Variants in CAPRIN2 observed in about 807,000 individuals in gnomAD.
The protein encoded by CAPRIN2 is caprin family member 2, also known as caprin-2.
Under a neutral mutation model 130.4 loss-of-function variants are expected in CAPRIN2, and 66 were observed. The ratio of observed to expected loss-of-function variants is 0.51; its 90% CI spans 0.42 to 0.62. CAPRIN2 has a LOEUF of 0.62. Ranked by LOEUF, CAPRIN2 falls within the 20% of genes least tolerant of loss-of-function variation. CAPRIN2 has a pLI of 0.00. For synonymous variants in CAPRIN2, 471 were observed against 444.1 expected (o/e 1.06, Z -0.76); for missense variants, 1,185 against 1,246.6 (o/e 0.95, Z 0.74).
At chr12:30,740,409 G>T (rs2066909536) in intron 3 of CAPRIN2, among the ~76,000 whole-genome samples, 2 of 152,056 alleles carry the variant, frequency 1.3e-5, no homozygotes, top group African/African-American at 4.8e-5. Context: ...GACCTTTAAA[G>T]GACCTTCTAG....
intron 7 of CAPRIN2, 87 bp downstream of exon 8, chr12:30,730,152 T>C (rs1459556788): frequency 1.8e-6 from 2 of 1,101,182 alleles, no homozygotes; most frequent in South Asian, 2.6e-5. Flanking sequence ...GCTCAGGCAG[T>C]CTGGCTCCAG....
chr12:30,741,188 G>T, intron 2 of CAPRIN2, 82 bp from the exon 4 acceptor site: 2 of 778,648 alleles, frequency 2.6e-6, no homozygotes, highest in Non-Finnish European at 4.0e-6. Context: ...AAATACAGTA[G>T]AAGAGATTTA....
At chr12:30,727,038 T>G (rs1316768279) in intron 8 of CAPRIN2, among the ~76,000 whole-genome samples, 2 of 152,190 alleles carry the variant, frequency 1.3e-5, no homozygotes, top group Non-Finnish European at 2.9e-5. Context: ...TTAAATATGT[T>G]TTGACCTTTC....
intron 3 of CAPRIN2, among the ~76,000 whole-genome samples, chr12:30,739,912 T>C (rs1000269264): frequency 6.6e-6 from 1 of 152,120 alleles, no homozygotes; most frequent in Non-Finnish European, 1.5e-5. Flanking sequence ...TAGAAAAATA[T>C]AGGCCTGAAT....
intron 6 of CAPRIN2, 152 bp from the exon 8 acceptor site, chr12:30,730,434 T>TA: frequency 3.2e-6 from 2 of 622,620 alleles, no homozygotes; most frequent in Non-Finnish European, 5.7e-6. Context: ...AGAGGAATTA[T>TA]ATTCCTTGTT....
At chr12:30,737,978 T>A (rs1452269632) in intron 3 of CAPRIN2, among the ~76,000 whole-genome samples, 1 of 152,024 alleles carries the variant, frequency 6.6e-6, no homozygotes, top group Non-Finnish European at 1.5e-5. Flanking sequence ...AAGCAGAATG[T>A]AACAAGGTCG....
intron 2 of CAPRIN2, among the ~76,000 whole-genome samples, chr12:30,750,637 T>A (rs2073282191): frequency 6.6e-6 from 1 of 152,042 alleles, no homozygotes. Flanking sequence ...ATGAAAGGAA[T>A]TAAGGTGAGG....
intron 12 of CAPRIN2, among the ~76,000 whole-genome samples, chr12:30,718,302 A>G (rs1324657429): frequency 3.3e-5 from 5 of 152,222 alleles, no homozygotes; most frequent in African/African-American, 1.2e-4. Flanking sequence ...GAAATAAGAT[A>G]TTCTAAGTGA....
chr12:30,750,864 T>C (rs1261262198), intron 2 of CAPRIN2, among the ~76,000 whole-genome samples: 1 of 152,172 alleles, frequency 6.6e-6, no homozygotes, highest in African/African-American at 2.4e-5. Context: ...TACACCCCCA[T>C]GCGTACCATC....
chr12:30,731,632 G>A, intron 5 of CAPRIN2, 122 bp from the exon 7 acceptor site: 1 of 759,586 alleles, frequency 1.3e-6, no homozygotes, highest in South Asian at 1.9e-5. Context: ...GATGTACATA[G>A]TACATCCTTA....
chr12:30,728,042 A>G (rs2061452491), intron 8 of CAPRIN2, among the ~76,000 whole-genome samples: 1 of 152,242 alleles, frequency 6.6e-6, no homozygotes, highest in South Asian at 2.1e-4. Context: ...TCACTTGTTC[A>G]CATTATGTCA....
At chr12:30,739,733 A>G (rs895294319) in intron 3 of CAPRIN2, among the ~76,000 whole-genome samples, 3 of 151,884 alleles carry the variant, frequency 2.0e-5, no homozygotes, top group African/African-American at 7.3e-5. Context: ...AAAAAAAAGA[A>G]TAAGTTACTT....
rs565272775 is a variant in CAPRIN2, at chr12:30,736,476, T to C, written c.571-1270A>G. 1.1e-4 allele frequency among the ~76,000 whole-genome samples: 17 copies of C among 151,502 alleles called. No homozygotes were observed. In the South Asian group the frequency reaches 3.3e-3, roughly 30 times the overall value. On this transcript the variant is annotated intron_variant, in intron 3 of 16. Transcript: ENST00000298892. ...TATAGCATCGATATTTTAAATTATA[T>C]AAAAGAGATGTTCGTAAATCCTAAC...
chr12:30,715,178 A>C, intron 13 of CAPRIN2, 37 bp from the exon 16 acceptor site: 1 of 1,563,368 alleles, frequency 6.4e-7, no homozygotes, highest in Non-Finnish European at 8.8e-7. Context: ...CCAAGAGTTA[A>C]ATGGTAATAG....
intron 5 of CAPRIN2, 26 bp downstream of exon 6, chr12:30,733,603 A>G (rs766968000): frequency 1.2e-5 from 18 of 1,506,708 alleles, no homozygotes; most frequent in Admixed American, 5.0e-5. Flanking sequence ...TATTTACTGC[A>G]TAAGTCCAGA....
Position 30,731,384 on chromosome 12 carries a change from TTC to T in CAPRIN2, c.1017_1018del (p.Lys341AsnfsTer7), listed in dbSNP as rs757842289. On this transcript the variant is annotated frameshift_variant, in exon 6 of 17. Transcript: ENST00000298892. LOFTEE classifies it high-confidence loss of function. ...TTCAGTCTTCGATAATTGTGTTTTTTTCTCTGATTGTATTAGCATTTCTTCCT... is the reference window on the plus strand; with the variant it reads ...TTCAGTCTTCGATAATTGTGTTTTTTTCTGATTGTATTAGCATTTCTTCCT... The T allele has an allele frequency of 6.2e-7, 1 of 1,613,074 alleles. No individual in the cohort carries two copies.
chr12:30,709,793 G>C, exon 17 of CAPRIN2: 1 of 1,313,778 alleles, frequency 7.6e-7, no homozygotes, highest in East Asian at 2.4e-5. Flanking sequence ...CCTCCCTCTA[G>C]GAACAAAAAC....
chr12:30,745,642 A>G (rs1364344851), intron 2 of CAPRIN2, among the ~76,000 whole-genome samples: 2 of 152,204 alleles, frequency 1.3e-5, no homozygotes, highest in Non-Finnish European at 2.9e-5. Flanking sequence ...CAACTGAACC[A>G]GTGCTTGAAG....
At chr12:30,750,509 G>T (rs940373116) in intron 2 of CAPRIN2, among the ~76,000 whole-genome samples, 1 of 151,634 alleles carries the variant, frequency 6.6e-6, no homozygotes, top group African/African-American at 2.4e-5. Flanking sequence ...GGAAAAAAAT[G>T]CAAGTAGCTT....
Sources: allele counts gnomAD v4.1 joint callset (sites outside exome capture counted in the v4.1 genomes callset), GRCh38; gene constraint gnomAD v4.1.1; transcripts MANE v1.5; gene names NCBI Gene and HGNC (gene_info 2026-07-23, HGNC 2026-07-21).